The following SPTLC3 variants were observed in gnomAD, a reference collection of about 807,000 sequenced individuals.
SPTLC3 encodes serine palmitoyltransferase 3.
In SPTLC3, 36 loss-of-function variants were observed where a neutral mutation model predicts 59.3. The observed-to-expected ratio is 0.61, with a 90% CI of 0.47 to 0.80. The LOEUF (loss-of-function observed/expected upper bound fraction) is 0.80, where lower values mean the gene tolerates loss of function less well. Among genes scored for constraint, SPTLC3 ranks in the 30% least tolerant of loss-of-function variants. The probability of loss-of-function intolerance (pLI) is 0.00; values close to 1 mark genes in which losing one functional copy is unlikely to be tolerated. For missense variants in SPTLC3, 625 were observed against 685.1 expected (o/e 0.91, Z 0.98); for synonymous variants, 257 against 240.8 (o/e 1.07, Z -0.62).
chr20:13,028,114 C>T (rs1464105973), intron 1 of SPTLC3, among the ~76,000 whole-genome samples: 2 of 152,190 alleles, frequency 1.3e-5, no homozygotes, highest in Non-Finnish European at 2.9e-5. Context: ...GTTCTTGCAA[C>T]ATAACATGCT....
chr20:13,066,108 C>T, intron 2 of SPTLC3, among the ~76,000 whole-genome samples: 1 of 152,258 alleles, frequency 6.6e-6, no homozygotes, highest in Non-Finnish European at 1.5e-5. Context: ...ATTCTACTCT[C>T]TGCTCCTATG....
At chr20:13,151,906 C>T (rs1201944483) in intron 9 of SPTLC3, among the ~76,000 whole-genome samples, 1 of 152,070 alleles carries the variant, frequency 6.6e-6, no homozygotes, top group Non-Finnish European at 1.5e-5. Flanking sequence ...ATATCCTATG[C>T]TAGTGATACC....
At position 13,091,066 on chromosome 20, in the gene SPTLC3, T is replaced by G; in HGVS notation, c.608-17T>G. Reference sequence around the variant, plus strand: ...TTGAAAAGAGAAGGCTCACTTCTCATGTAATTTTATGTGCAGGCACCTTGG... The same window carrying G: ...TTGAAAAGAGAAGGCTCACTTCTCAGGTAATTTTATGTGCAGGCACCTTGG... On this transcript the variant is annotated splice_polypyrimidine_tract_variant and intron_variant, in intron 4 of 11. Transcript: ENST00000399002. 6.2e-7 allele frequency: 1 copy of G among 1,612,568 alleles called. No individual in the cohort carries two copies. Among genetic ancestry groups the G allele is most frequent in the Non-Finnish European group, 8.5e-7 (1 of 1,179,116 alleles).
At chr20:13,123,991 G>A (rs556759194) in intron 8 of SPTLC3, among the ~76,000 whole-genome samples, 3 of 152,294 alleles carry the variant, frequency 2.0e-5, no homozygotes, top group South Asian at 2.1e-4. Flanking sequence ...GGCTACTCTG[G>A]CAAATGACTG....
intron 2 of SPTLC3, chr20:13,050,981 G>A (rs1482065890): frequency 6.6e-6 from 1 of 151,716 alleles, no homozygotes; most frequent in Non-Finnish European, 1.5e-5. Flanking sequence ...AAATCACGTG[G>A]GACCTATTAA....
chr20:13,064,208 G>T (rs1308395060), intron 2 of SPTLC3, among the ~76,000 whole-genome samples: 1 of 149,280 alleles, frequency 6.7e-6, no homozygotes, highest in East Asian at 2.0e-4. Flanking sequence ...TTTTTTTAAC[G>T]ATATTTCTAA....
intron 9 of SPTLC3, among the ~76,000 whole-genome samples, chr20:13,153,476 C>G (rs2038695804): frequency 6.6e-6 from 1 of 152,136 alleles, no homozygotes; most frequent in Admixed American, 6.5e-5. Flanking sequence ...CTAATCTCAG[C>G]AGGACTTATC....
chr20:13,130,166 C>T (rs1191944187), intron 9 of SPTLC3, among the ~76,000 whole-genome samples: 1 of 152,214 alleles, frequency 6.6e-6, no homozygotes, highest in Non-Finnish European at 1.5e-5. Context: ...TCATTTGCAA[C>T]AATGGCTGCT....
At chr20:13,125,303 G>A (rs992341779) in intron 8 of SPTLC3, among the ~76,000 whole-genome samples, 4 of 152,192 alleles carry the variant, frequency 2.6e-5, no homozygotes, top group Non-Finnish European at 5.9e-5. Context: ...ATTCTGGAGT[G>A]GCTCAGCATT....
rs1216975403 is a variant in SPTLC3, at chr20:13,074,599, G to T, written c.607+102G>T. The stretch of plus-strand genomic sequence containing the variant: ...ATATTTGGACTGTGTCCCTTAAAAA[G>T]GTGTTATAAACTGCAGAAAGAAAAA... On this transcript the variant is annotated intron_variant, in intron 4 of 11. Transcript: ENST00000399002. 10 of 1,311,110 alleles carry T rather than the reference G, an allele frequency of 7.6e-6. No individual in the cohort carries two copies. The East Asian group carries it at 1.7e-4, about 23-fold the overall frequency. The allele number at this position is 1,311,110 out of a possible 1,614,324, so 81.2% of individuals were successfully genotyped here.
intron 9 of SPTLC3, among the ~76,000 whole-genome samples, chr20:13,144,043 A>T (rs531680925): frequency 4.6e-5 from 7 of 152,096 alleles, no homozygotes; most frequent in African/African-American, 1.7e-4. Flanking sequence ...GCTCTCTAAT[A>T]CCCATCAAAA....
At chr20:13,134,460 T>C (rs1344143627) in intron 9 of SPTLC3, among the ~76,000 whole-genome samples, 1 of 152,206 alleles carries the variant, frequency 6.6e-6, no homozygotes, top group African/African-American at 2.4e-5. Context: ...TCATTTCATA[T>C]TTCATGATGA....
chr20:13,022,467 G>A (rs1568566744), intron 1 of SPTLC3, among the ~76,000 whole-genome samples: 1 of 152,172 alleles, frequency 6.6e-6, no homozygotes, highest in Admixed American at 6.5e-5. Context: ...GAACAGTGAG[G>A]ACAGCTCTCC....
At chr20:13,080,141 G>C (rs3848771) in intron 4 of SPTLC3, among the ~76,000 whole-genome samples, 2 of 151,914 alleles carry the variant, frequency 1.3e-5, no homozygotes, top group East Asian at 1.9e-4. Flanking sequence ...TTAACACTTA[G>C]AGACTCTCAC....
At chr20:13,160,958 G>C (rs981384763) in intron 11 of SPTLC3, among the ~76,000 whole-genome samples, 5 of 152,146 alleles carry the variant, frequency 3.3e-5, no homozygotes, top group African/African-American at 1.2e-4. Flanking sequence ...CTTCCAATCA[G>C]TGGAGTGACA....
At chr20:13,060,899 G>T (rs1239848844) in intron 2 of SPTLC3, among the ~76,000 whole-genome samples, 2 of 151,718 alleles carry the variant, frequency 1.3e-5, no homozygotes, top group African/African-American at 4.8e-5. Flanking sequence ...TCACATCTTT[G>T]CTGTTTTCAA....
At chr20:13,150,177 T>C (rs981584142) in intron 9 of SPTLC3, among the ~76,000 whole-genome samples, 3 of 152,228 alleles carry the variant, frequency 2.0e-5, no homozygotes, top group South Asian at 4.1e-4. Context: ...ACTCTTTATG[T>C]TCTTAACTCT....
At chr20:13,045,944 C>A (rs922237732) in intron 1 of SPTLC3, among the ~76,000 whole-genome samples, 8 of 152,124 alleles carry the variant, frequency 5.3e-5, no homozygotes, top group Middle Eastern at 6.8e-3. Context: ...AAGATGGGGC[C>A]AGGAAAGGAA....
chr20:13,055,452 G>A (rs974953848), intron 2 of SPTLC3, among the ~76,000 whole-genome samples: 12 of 152,036 alleles, frequency 7.9e-5, no homozygotes, highest in African/African-American at 1.7e-4. Context: ...ATCACCAGTC[G>A]GCCTGCTCCC....
Sources: gnomAD v4.1 joint callset for allele counts (sites outside exome capture counted in the v4.1 genomes callset) on GRCh38, gnomAD v4.1.1 for gene constraint, MANE v1.5 for transcripts, NCBI Gene and HGNC (gene_info 2026-07-23, HGNC 2026-07-21) for gene names.